The following RTKN variants were observed in gnomAD, a reference collection of about 807,000 sequenced individuals.
RTKN encodes the protein rhotekin.
In RTKN, 49 loss-of-function variants were observed where a neutral mutation model predicts 63.5. The ratio of observed to expected loss-of-function variants is 0.77; its 90% CI spans 0.61 to 0.98. The LOEUF (loss-of-function observed/expected upper bound fraction) is 0.98, where lower values mean the gene tolerates loss of function less well. RTKN is among the 50% of genes least tolerant of loss of function. The pLI is 0.00. For missense variants in RTKN, 685 were observed against 740.8 expected, an observed-to-expected ratio of 0.92 and a Z score of 0.87; for synonymous variants, 295 against 290.4, an observed-to-expected ratio of 1.02 and a Z score of -0.16.
At chr2:74,426,941 A>G in intron 11 of RTKN, 2 of 985,304 alleles carry the variant, frequency 2.0e-6, no homozygotes, top group Non-Finnish European at 2.4e-6. Context: ...AAAGAAATTA[A>G]TGAAATGATC....
rs2103866047 is a variant in RTKN, at chr2:74,425,907, G to A, written c.*336C>T. On this transcript the variant is annotated 3_prime_UTR_variant, in exon 12 of 12. Coordinates refer to ENST00000272430, the MANE Select transcript of RTKN (RefSeq NM_001015055.2). ...CTGCTGTTAAATAACTTTAATGGTT[G>A]ATGTGGGAGTCACAAGGGAGGTATG... The A allele has an allele frequency of 4.9e-6, 4 of 810,988 alleles. No individual in the cohort carries two copies. Among genetic ancestry groups the A allele is most frequent in the East Asian group, 5.4e-5 (2 of 36,900 alleles). 50.2% of individuals were successfully genotyped at this position (810,988 alleles called of 1,614,324 possible). A position where few individuals can be genotyped will look rare whatever the true frequency, so the allele number is the denominator to read the frequency against.
rs763649541 is a variant in RTKN at position 74,428,347 on chromosome 2, C to A, written c.1007G>T (p.Gly336Val). The A allele has an allele frequency of 3.1e-6, 5 of 1,614,022 alleles. No individual in the cohort carries two copies. The African/African-American group carries it at 6.7e-5, about 22-fold the overall frequency. Residue 336 changes from glycine (G) to valine (V), a missense_variant, in exon 9 of 12, where the codon GGC becomes GTC. Coordinates refer to ENST00000272430, the MANE Select transcript of RTKN (RefSeq NM_001015055.2). Reference protein sequence around the residue: ...NWAQVHGVLKGTNLFCYRQPE... With the variant: ...NWAQVHGVLKVTNLFCYRQPE... ...TTGCCGGTAACAGAAGAGGTTTGTG[C>A]CTTTCAGAACTCCATGCACTTGTGC...
At chr2:74,431,153 A>C (rs1429921997) in intron 2 of RTKN, among the ~76,000 whole-genome samples, 1 of 151,990 alleles carries the variant, frequency 6.6e-6, no homozygotes. Flanking sequence ...GTCAGAAAAT[A>C]ATTTGGCCAA....
intron 2 of RTKN, 147 bp from the exon 3 acceptor site, chr2:74,430,824 G>C: frequency 1.3e-6 from 1 of 744,772 alleles, no homozygotes; most frequent in East Asian, 2.7e-5. Flanking sequence ...GGGACTATAA[G>C]GGAAAGTTGT....
Sources: allele counts gnomAD v4.1 joint callset (sites outside exome capture counted in the v4.1 genomes callset), GRCh38; gene constraint gnomAD v4.1.1; transcripts MANE v1.5; gene names NCBI Gene and HGNC (gene_info 2026-07-23, HGNC 2026-07-21).